Variants in NDST1 observed in about 807,000 individuals in gnomAD.
The protein encoded by NDST1 is bifunctional heparan sulfate N-deacetylase/N-sulfotransferase 1.
Under a neutral mutation model 92.8 loss-of-function variants are expected in NDST1, and 35 were observed. The observed-to-expected ratio is 0.38, with a 90% CI of 0.29 to 0.50. The LOEUF (loss-of-function observed/expected upper bound fraction) is 0.50, where lower values mean the gene tolerates loss of function less well. NDST1 is among the 20% of genes least tolerant of loss of function. NDST1 has a pLI of 0.94. For synonymous variants in NDST1, 493 were observed against 500.3 expected, an observed-to-expected ratio of 0.99 and a Z score of 0.19; for missense variants, 822 against 1,182.7, an observed-to-expected ratio of 0.69 and a Z score of 4.47.
intron 6 of NDST1, among the ~76,000 whole-genome samples, chr5:150,538,232 G>T (rs910886927): frequency 2.0e-5 from 3 of 152,186 alleles, no homozygotes; most frequent in African/African-American, 7.2e-5. Flanking sequence ...TGAGGTCGGG[G>T]TGGGTGATGG....
intron 5 of NDST1, 62 bp from the exon 6 acceptor site, chr5:150,535,638 G>T (rs1754950509): frequency 1.9e-6 from 3 of 1,581,246 alleles, no homozygotes; most frequent in South Asian, 2.2e-5. Context: ...CTACAAAGGG[G>T]GGATAAGGCC....
intron 10 of NDST1, among the ~76,000 whole-genome samples, chr5:150,543,511 G>A (rs532377527): frequency 1.9e-4 from 29 of 152,220 alleles, no homozygotes; most frequent in Non-Finnish European, 3.8e-4. Flanking sequence ...GGCCAGAGCA[G>A]AGATGGTTTT....
Position 150,521,795 on chromosome 5 carries a change from G to C in NDST1, c.513+28G>C. The C allele has an allele frequency of 6.2e-7, 1 of 1,610,150 alleles. No homozygotes were observed. On this transcript the variant is annotated intron_variant, in intron 2 of 14. Transcript: ENST00000261797. The surrounding 1 kb of genome is among the most constrained non-coding windows in gnomAD (Gnocchi z 5.9). ...ACACAAGAAGCAGGGTCCCCGAGCA[G>C]TTCAGAGCCCCCTCTGCAGCTCAGT...
At position 150,548,391 on chromosome 5, in the gene NDST1, A is replaced by G; in HGVS notation, c.2316+3A>G. On this transcript the variant is annotated splice_donor_region_variant and intron_variant, in intron 12 of 14. Coordinates refer to ENST00000261797, the MANE Select transcript of NDST1 (RefSeq NM_001543.5). ...TCAGTGCCTATCACGCCAACCAGGTAGCTGCTGTCCCTGACCCTTGTGAGG... is the reference window on the plus strand; with the variant it reads ...TCAGTGCCTATCACGCCAACCAGGTGGCTGCTGTCCCTGACCCTTGTGAGG... 6.2e-7 allele frequency: 1 copy of G among 1,610,180 alleles called. No homozygotes were observed. Among genetic ancestry groups the G allele is most frequent in the Non-Finnish European group, 8.5e-7 (1 of 1,179,974 alleles).
upstream of NDST1, among the ~76,000 whole-genome samples, chr5:150,506,651 T>C (rs1321036300): frequency 2.0e-5 from 3 of 152,158 alleles, no homozygotes; most frequent in African/African-American, 2.4e-5. Context: ...GTTGTCTGTG[T>C]CCTAGAGAAA....
intron 1 of NDST1, among the ~76,000 whole-genome samples, chr5:150,513,648 CA>C (rs1753827534): frequency 6.6e-6 from 1 of 152,176 alleles, no homozygotes; most frequent in African/African-American, 2.4e-5. Context: ...TTACTGGGCA[CA>C]ATTCACCATG....
rs943768080 is a variant in NDST1 at position 150,556,363 on chromosome 5, CCT to C, written c.*3032_*3033del. ...TAAAAATGGGCCTTTTCTGAGCCCC[CCT>C]GATGAGCAGTCAGTGCTTCTGGGCC... On this transcript the variant is annotated 3_prime_UTR_variant, in exon 15 of 15. Coordinates refer to ENST00000261797, the MANE Select transcript of NDST1 (RefSeq NM_001543.5). 1.3e-5 allele frequency: 2 copies of C among 152,122 alleles called. No individual in the cohort carries two copies. Among genetic ancestry groups the C allele is most frequent in the African/African-American group, 4.8e-5 (2 of 41,398 alleles). The allele number at this position is 152,122 out of a possible 1,614,324, so 9.4% of individuals were successfully genotyped here.
intron 3 of NDST1, among the ~76,000 whole-genome samples, chr5:150,530,786 C>A (rs981120924): frequency 1.3e-5 from 2 of 152,102 alleles, no homozygotes; most frequent in African/African-American, 4.8e-5. Context: ...TCTGGAACTC[C>A]TGGAGTCAAG....
intron 1 of NDST1, among the ~76,000 whole-genome samples, chr5:150,516,228 C>A (rs1360152607): frequency 6.6e-6 from 1 of 152,238 alleles, no homozygotes; most frequent in Non-Finnish European, 1.5e-5. Context: ...TGCTCTCCCT[C>A]TGTGAAATGA....
chr5:150,528,016 G>T lies in NDST1; in HGVS notation c.726G>T (p.Lys242Asn). The change falls in exon 3 of 15, where the codon AAG (lysine) becomes AAT (asparagine). Residue 242 changes from lysine (K) to asparagine (N), a missense_variant. Lys to Asn is a moderately conservative substitution (Grantham distance 94). Coordinates refer to ENST00000261797, the MANE Select transcript of NDST1 (RefSeq NM_001543.5). ...CCTATGAGCCAGTGCTGCTGGCCAA[G>T]ACGCGCTCGTCTGAGTCCATCCCAC... ...HSTYEPVLLA[K>N]TRSSESIPHL... 1.2e-6 allele frequency: 2 copies of T among 1,613,718 alleles called. No individual in the cohort carries two copies. The highest frequency in any genetic ancestry group is 1.7e-6 in the Non-Finnish European group (2 of 1,179,830).
chr5:150,520,952 C>T lies in NDST1; in HGVS notation c.-303C>T, dbSNP rs2151269710. 3 of 556,208 alleles carry T rather than the reference C, an allele frequency of 5.4e-6. No homozygotes were observed. The South Asian group carries it at 7.8e-5, about 14-fold the overall frequency. 34.5% of individuals were successfully genotyped at this position (556,208 alleles called of 1,614,324 possible). On this transcript the variant is annotated 5_prime_UTR_variant, in exon 2 of 15. Coordinates refer to ENST00000261797, the MANE Select transcript of NDST1 (RefSeq NM_001543.5). ...GTCCTCTGGCCTGCTGCCCTGCACC[C>T]CCAGAAGGCCCTGACGCCCTGGGGC...
intron 3 of NDST1, among the ~76,000 whole-genome samples, chr5:150,530,271 A>C (rs1284552876): frequency 6.6e-6 from 1 of 152,170 alleles, no homozygotes; most frequent in Non-Finnish European, 1.5e-5. Flanking sequence ...ATTCTCTTAA[A>C]GGCTCTCCTG....
intron 14 of NDST1, among the ~76,000 whole-genome samples, chr5:150,552,160 A>G (rs1755752196): frequency 1.3e-5 from 2 of 152,170 alleles, no homozygotes; most frequent in South Asian, 2.1e-4. Context: ...TCCCAACACC[A>G]CTAAGTAGAA....
intron 5 of NDST1, 125 bp downstream of exon 5, chr5:150,535,146 G>C: frequency 7.1e-7 from 1 of 1,415,674 alleles, no homozygotes; most frequent in African/African-American, 1.4e-5. Flanking sequence ...CTCTGGGCCA[G>C]GGCCAAGGGA....
rs1320585579 is a variant in NDST1 at position 150,557,140 on chromosome 5, A to C, written c.*3808A>C. 6.6e-6 allele frequency: 1 copy of C among 152,550 alleles called. No homozygotes were observed. The highest frequency in any genetic ancestry group is 1.5e-5 in the Non-Finnish European group (1 of 68,064). 9.4% of individuals were successfully genotyped at this position (152,550 alleles called of 1,614,324 possible). ...ATGCGCCTCCACTGTCACCTGTACC[A>C]AGTGCCAAAACAGCAGAGGGGCCAG... On this transcript the variant is annotated 3_prime_UTR_variant, in exon 15 of 15. Transcript: ENST00000261797. This position sits in a 1 kb window ranked among gnomAD's most constrained non-coding sequence, Gnocchi z 4.7.
chr5:150,523,991 C>T (rs995538614), intron 2 of NDST1, among the ~76,000 whole-genome samples: 22 of 152,338 alleles, frequency 1.4e-4, no homozygotes, highest in African/African-American at 4.1e-4. Flanking sequence ...CCAACTTCCC[C>T]GCTGTGTGCT....
chr5:150,541,549 T>A, intron 8 of NDST1, 21 bp from the exon 9 acceptor site: 1 of 1,612,666 alleles, frequency 6.2e-7, no homozygotes. Flanking sequence ...GCCCCACACA[T>A]CCCTTCCACT....
Position 150,521,755 on chromosome 5 carries a change from T to G in NDST1, c.501T>G (p.Ile167Met). The G allele has an allele frequency of 6.2e-7, 1 of 1,613,664 alleles. No individual in the cohort carries two copies. Among genetic ancestry groups the G allele is most frequent in the Non-Finnish European group, 8.5e-7 (1 of 1,180,032 alleles). ...GTGTGGCCTACGGCGTGGGCATCATTGGCTTCTTCAAGGTACACAAGAAGC... is the reference window on the plus strand; with the variant it reads ...GTGTGGCCTACGGCGTGGGCATCATGGGCTTCTTCAAGGTACACAAGAAGC... ...KYCVAYGVGI[I>M]GFFKANENSL... is the part of the protein sequence containing the mutation. Residue 167 changes from isoleucine (I) to methionine (M), a missense_variant, in exon 2 of 15, where the codon ATT (isoleucine) becomes ATG (methionine). Ile to Met is a conservative substitution (Grantham distance 10). Transcript: ENST00000261797. This position sits in a 1 kb window ranked among gnomAD's most constrained non-coding sequence, Gnocchi z 5.9.
In NDST1 at chr5:150,541,741, G is replaced by A. The variant is rs1755258802; in HGVS notation, c.1846+75G>A. ...GCCACAGAATTCTGAGGACTGCCTT[G>A]CCCTGGCCCCACTCCCGGATAATTT... On this transcript the variant is annotated intron_variant, in intron 9 of 14. Transcript: ENST00000261797. 3.6e-6 allele frequency: 5 copies of A among 1,382,792 alleles called. No homozygotes were observed. In the East Asian group the frequency reaches 7.1e-5, roughly 20 times the overall value. The allele number at this position is 1,382,792 out of a possible 1,614,324, so 85.7% of individuals were successfully genotyped here.
Sources: allele counts gnomAD v4.1 joint callset (sites outside exome capture counted in the v4.1 genomes callset), GRCh38; gene constraint gnomAD v4.1.1; non-coding constraint Gnocchi (gnomAD v3.1); transcripts MANE v1.5; gene names NCBI Gene and HGNC (gene_info 2026-07-23, HGNC 2026-07-21).